The following DLGAP1 variants were observed in gnomAD, a reference collection of about 807,000 sequenced individuals.
DLGAP1 encodes the protein disks large-associated protein 1.
A neutral mutation model predicts 90.8 loss-of-function variants in DLGAP1; 11 were observed. The observed-to-expected ratio is 0.12, with a 90% CI of 0.08 to 0.20. DLGAP1 has a LOEUF of 0.20. Ranked by LOEUF, DLGAP1 falls within the 10% of genes least tolerant of loss-of-function variation. The pLI is 1.00. For missense variants in DLGAP1, 1,050 were observed against 1,333.8 expected (o/e 0.79, Z 3.31); for synonymous variants, 558 against 540.7 (o/e 1.03, Z -0.44).
intron 1 of DLGAP1, among the ~76,000 whole-genome samples, chr18:4,444,371 A>G (rs2083610208): frequency 6.6e-6 from 1 of 152,156 alleles, no homozygotes; most frequent in African/African-American, 2.4e-5. Context: ...TTCCTTGGGG[A>G]GAGAGTCATG....
chr18:3,787,306 AC>A (rs2065498756), intron 5 of DLGAP1, among the ~76,000 whole-genome samples: 1 of 151,696 alleles, frequency 6.6e-6, no homozygotes, highest in Non-Finnish European at 1.5e-5. Context: ...ATATGGTGAA[AC>A]CCCGTCTCTA....
At chr18:4,083,318 G>A (rs1241036619) in intron 2 of DLGAP1, among the ~76,000 whole-genome samples, 1 of 152,120 alleles carries the variant, frequency 6.6e-6, no homozygotes, top group Non-Finnish European at 1.5e-5. Flanking sequence ...TAGGGACAAA[G>A]CACTTCTACT....
chr18:3,854,137 G>A (rs767216051), intron 4 of DLGAP1, among the ~76,000 whole-genome samples: 11 of 152,092 alleles, frequency 7.2e-5, no homozygotes, highest in Non-Finnish European at 1.5e-4. Context: ...CTGTAACAAA[G>A]TAATATGCTT....
chr18:4,139,402 T>C (rs980631303), intron 2 of DLGAP1, among the ~76,000 whole-genome samples: 1 of 152,038 alleles, frequency 6.6e-6, no homozygotes, highest in Non-Finnish European at 1.5e-5. Context: ...GGGCATATAT[T>C]GGAATTTACA....
intron 1 of DLGAP1, among the ~76,000 whole-genome samples, chr18:4,347,116 T>A (rs1426499613): frequency 6.6e-6 from 1 of 152,082 alleles, no homozygotes; most frequent in Non-Finnish European, 1.5e-5. Context: ...AGACACAGTT[T>A]TCCAGAGAAT....
intron 1 of DLGAP1, among the ~76,000 whole-genome samples, chr18:4,230,306 G>A (rs770655255): frequency 2.6e-5 from 4 of 152,002 alleles, no homozygotes; most frequent in African/African-American, 4.8e-5. Flanking sequence ...AAGTGAATTC[G>A]TATTATCGAA....
At position 4,383,541 on chromosome 18, in the gene DLGAP1, A is replaced by T. The variant is rs2082172560; in HGVS notation, c.-267+71465T>A. Among the ~76,000 whole-genome samples the T allele has an allele frequency of 6.6e-6, 1 of 152,106 alleles. No homozygotes were observed. The highest frequency in any genetic ancestry group is 1.5e-5 in the Non-Finnish European group (1 of 67,994). On this transcript the variant is annotated intron_variant, in intron 1 of 12. Coordinates refer to ENST00000315677, the MANE Select transcript of DLGAP1 (RefSeq NM_004746.4). This position sits in a 1 kb window ranked among gnomAD's most constrained non-coding sequence, Gnocchi z 4.0. ...TGGGTTTTAAACCTATCAGTTACTG[A>T]ACAAGCTCTGTATGCACTTAGACAA...
intron 7 of DLGAP1, chr18:3,597,532 G>C (rs1325446266): frequency 9.8e-6 from 3 of 305,968 alleles, no homozygotes; most frequent in African/African-American, 6.8e-5. Flanking sequence ...AGTCCGGTCA[G>C]GCTGAGTCCT....
intron 10 of DLGAP1, among the ~76,000 whole-genome samples, chr18:3,532,257 T>C (rs1388588037): frequency 6.6e-6 from 1 of 152,146 alleles, no homozygotes; most frequent in Non-Finnish European, 1.5e-5. Context: ...ACTCATCATG[T>C]TAAACTCTAC....
At chr18:3,679,401 G>T (rs1403639248) in intron 7 of DLGAP1, among the ~76,000 whole-genome samples, 1 of 151,842 alleles carries the variant, frequency 6.6e-6, no homozygotes, top group Non-Finnish European at 1.5e-5. Flanking sequence ...TAGCAACTTT[G>T]ACTTCCCAAA....
At chr18:3,927,935 C>G (rs534696634) in intron 3 of DLGAP1, among the ~76,000 whole-genome samples, 1 of 152,274 alleles carries the variant, frequency 6.6e-6, no homozygotes, top group East Asian at 1.9e-4. Flanking sequence ...ACAGTTTTTA[C>G]AAAGCTGAGA....
intron 3 of DLGAP1, among the ~76,000 whole-genome samples, chr18:3,977,434 G>GTTTGTTTTTTTTT (rs2073611898): frequency 1.0e-5 from 1 of 95,332 alleles, no homozygotes; most frequent in African/African-American, 4.2e-5. Context: ...TTTATTCTGT[G>GTTTGTTTTTTTTT]TTTTTTTTTT....
intron 1 of DLGAP1, among the ~76,000 whole-genome samples, chr18:4,237,703 G>T (rs2078448827): frequency 6.6e-6 from 1 of 151,858 alleles, no homozygotes; most frequent in East Asian, 1.9e-4. Context: ...AAAAAAAAAG[G>T]AAGCAATTTT....
intron 1 of DLGAP1, among the ~76,000 whole-genome samples, chr18:4,401,225 T>A (rs921202878): frequency 7.9e-5 from 12 of 152,192 alleles, no homozygotes; most frequent in African/African-American, 2.9e-4. Context: ...ACAAAACTCC[T>A]TTGTCAAAAC....
chr18:3,997,751 C>G (rs1041188006), intron 3 of DLGAP1, among the ~76,000 whole-genome samples: 2 of 151,674 alleles, frequency 1.3e-5, no homozygotes, highest in Non-Finnish European at 2.9e-5. Context: ...CCCAATATGT[C>G]ACAAATATTA....
chr18:3,625,490 T>G (rs1460551166), intron 7 of DLGAP1, among the ~76,000 whole-genome samples: 7 of 152,184 alleles, frequency 4.6e-5, no homozygotes, highest in Non-Finnish European at 5.9e-5. Flanking sequence ...CAAATTATTT[T>G]CTAGGAGATT....
intron 1 of DLGAP1, among the ~76,000 whole-genome samples, chr18:4,366,763 C>T (rs559460776): frequency 6.6e-6 from 1 of 151,696 alleles, no homozygotes; most frequent in Non-Finnish European, 1.5e-5. Context: ...CAAAACTGAA[C>T]TCTTTCTACT....
At chr18:4,324,351 C>T (rs968789619) in intron 1 of DLGAP1, among the ~76,000 whole-genome samples, 4 of 150,972 alleles carry the variant, frequency 2.6e-5, no homozygotes, top group Non-Finnish European at 4.4e-5. Context: ...CAATAATGAA[C>T]TCTGAAATTG....
At chr18:3,550,393 T>A (rs905352549) in intron 9 of DLGAP1, among the ~76,000 whole-genome samples, 5 of 151,630 alleles carry the variant, frequency 3.3e-5, no homozygotes, top group Admixed American at 6.6e-5. Flanking sequence ...GCCCAGCTAA[T>A]TTTTTTTATT....
Sources: gnomAD v4.1 joint callset for allele counts (sites outside exome capture counted in the v4.1 genomes callset) on GRCh38, gnomAD v4.1.1 for gene constraint, Gnocchi (gnomAD v3.1) non-coding constraint, MANE v1.5 for transcripts, NCBI Gene and HGNC (gene_info 2026-07-23, HGNC 2026-07-21) for gene names.